LDHAL6A: variants seen among roughly 807,000 people sequenced by gnomAD.
The protein encoded by LDHAL6A is lactate dehydrogenase A like 6A.
In LDHAL6A, 19 loss-of-function variants were observed where a neutral mutation model predicts 28.2. The ratio of observed to expected loss-of-function variants is 0.67; its 90% CI spans 0.47 to 0.99. LDHAL6A has a LOEUF of 0.99. Among genes scored for constraint, LDHAL6A ranks in the 50% least tolerant of loss-of-function variants. LDHAL6A has a pLI of 0.00. For missense variants in LDHAL6A, 372 were observed against 398.6 expected (o/e 0.93, Z 0.57); for synonymous variants, 144 against 134.4 (o/e 1.07, Z -0.49).
At chr11:18,475,445 A>G (rs1849348939) in intron 3 of LDHAL6A, 21 bp from the exon 4 acceptor site, 3 of 1,586,316 alleles carry the variant, frequency 1.9e-6, no homozygotes, top group Non-Finnish European at 2.6e-6. Context: ...ACATTTCTTG[A>G]TATGAACTTT....
At position 18,477,695 on chromosome 11, in the gene LDHAL6A, T is replaced by A; in HGVS notation, c.786T>A (p.Ser262Arg). The A allele has an allele frequency of 6.2e-7, 1 of 1,613,394 alleles. No individual in the cohort carries two copies. The highest frequency in any genetic ancestry group is 8.5e-7 in the Non-Finnish European group (1 of 1,179,696). ...ISLSVADLTE[S>R]ILKNLRRVHP... The stretch of plus-strand genomic sequence containing the variant: ...TATCTGTAGCTGATTTAACAGAAAG[T>A]ATTTTGAAGAATCTTAGGAGAGTGC... The change falls in exon 6 of 7, where the codon AGT (serine) becomes AGA (arginine). Residue 262 changes from serine to arginine, a missense_variant. Around this residue, in one of 3 missense-constraint regions of LDHAL6A, gnomAD observed 291 missense variants for 302.9 expected, o/e 0.96. Transcript: ENST00000280706.
intron 3 of LDHAL6A, among the ~76,000 whole-genome samples, chr11:18,474,184 A>G (rs1849313134): frequency 6.6e-6 from 1 of 151,088 alleles, no homozygotes; most frequent in African/African-American, 2.4e-5. Flanking sequence ...GGTTCAAGCA[A>G]TTTTCTGCCT....
At chr11:18,460,143 G>T (rs536617821) in intron 1 of LDHAL6A, among the ~76,000 whole-genome samples, 1 of 152,168 alleles carries the variant, frequency 6.6e-6, no homozygotes, top group Non-Finnish European at 1.5e-5. Flanking sequence ...AGAGTAAAAA[G>T]ATCCAGGCTG....
At chr11:18,473,014 G>A (rs1849286319) in intron 3 of LDHAL6A, among the ~76,000 whole-genome samples, 1 of 151,872 alleles carries the variant, frequency 6.6e-6, no homozygotes, top group African/African-American at 2.4e-5. Context: ...CAATCACTTT[G>A]TAGAATGATT....
intron 3 of LDHAL6A, among the ~76,000 whole-genome samples, chr11:18,467,876 CACACATATATATATAT>C (rs1849113725): frequency 2.4e-4 from 8 of 33,536 alleles, no homozygotes; most frequent in Admixed American, 2.0e-3. Context: ...TATATATATA[CACACATATATATATAT>C]ATATATATAT....
chr11:18,467,467 A>C (rs1302927190), intron 3 of LDHAL6A, among the ~76,000 whole-genome samples: 2 of 152,174 alleles, frequency 1.3e-5, no homozygotes, highest in African/African-American at 4.8e-5. Flanking sequence ...ATATATCATG[A>C]AGCTCAACTC....
Position 18,478,985 on chromosome 11 carries a change from T to G in LDHAL6A, c.*115T>G. On this transcript the variant is annotated 3_prime_UTR_variant, in exon 7 of 7. Transcript: ENST00000280706. The stretch of plus-strand genomic sequence containing the variant: ...AAAGTTGGAAAAATAGAGGAAAGAG[T>G]GACCTATTTAGTATAGCCTTCCAGC... 1.1e-6 allele frequency: 1 copy of G among 892,628 alleles called. No homozygotes were observed. The highest frequency in any genetic ancestry group is 1.7e-6 in the Non-Finnish European group (1 of 585,888). The allele number at this position is 892,628 out of a possible 1,614,324, so 55.3% of individuals were successfully genotyped here.
intron 5 of LDHAL6A, among the ~76,000 whole-genome samples, chr11:18,477,317 C>T (rs892536041): frequency 5.9e-5 from 9 of 151,928 alleles, no homozygotes; most frequent in African/African-American, 1.2e-4. Context: ...AAATTAGCCA[C>T]GCATGGTGGC....
At chr11:18,467,425 G>T (rs964500102) in intron 3 of LDHAL6A, among the ~76,000 whole-genome samples, 2 of 151,958 alleles carry the variant, frequency 1.3e-5, no homozygotes, top group African/African-American at 4.8e-5. Flanking sequence ...TACTACATAC[G>T]TTTTTCTCCA....
Position 18,475,607 on chromosome 11 carries a change from G to C in LDHAL6A, c.560G>C (p.Gly187Ala), listed in dbSNP as rs1849356822. The C allele has an allele frequency of 6.2e-7, 1 of 1,614,080 alleles. No homozygotes were observed. The highest frequency in any genetic ancestry group is 1.1e-5 in the South Asian group (1 of 91,060). The stretch of plus-strand genomic sequence containing the variant: ...GGCATCCACTCTGAAAGCTGTCATG[G>C]GCTGATCCTTGGAGAGCATGGCGAC... ...RLGIHSESCH[G>A]LILGEHGDSS... Residue 187 changes from glycine to alanine, a missense_variant, in exon 4 of 7, where the codon GGG becomes GCG. Gly to Ala is a moderately conservative substitution (Grantham distance 60). This residue lies in a region of LDHAL6A where 291 missense variants were observed against 302.9 expected (regional missense o/e 0.96). Coordinates refer to ENST00000280706, the MANE Select transcript of LDHAL6A (RefSeq NM_144972.5).
At position 18,476,373 on chromosome 11, in the gene LDHAL6A, C is replaced by A. The variant is rs145658780; in HGVS notation, c.593-11C>A. The A allele has an allele frequency of 2.9e-4, 462 of 1,608,944 alleles. 2 individuals carry two copies. In the East Asian group the frequency reaches 7.6e-3, roughly 26 times the overall value. ...ATGTAAGAAGTGGGATTTTGGGTGT[C>A]TCTTTCTTAGTTCCTGTGTGGAGTG... On this transcript the variant is annotated splice_polypyrimidine_tract_variant and intron_variant, in intron 4 of 6. Coordinates refer to ENST00000280706, the MANE Select transcript of LDHAL6A (RefSeq NM_144972.5).
At chr11:18,460,659 C>G (rs1391530896) in intron 1 of LDHAL6A, among the ~76,000 whole-genome samples, 1 of 151,296 alleles carries the variant, frequency 6.6e-6, no homozygotes, top group African/African-American at 2.4e-5. Context: ...ACTTGGGAGG[C>G]TGAGGCAGGA....
intron 3 of LDHAL6A, among the ~76,000 whole-genome samples, chr11:18,467,945 A>ACATATATATACG: frequency 2.6e-5 from 1 of 38,534 alleles, no homozygotes; most frequent in African/African-American, 1.0e-4. Context: ...ATACACACAC[A>ACATATATATACG]TATATATATA....
chr11:18,474,759 G>A (rs1042663586), intron 3 of LDHAL6A, among the ~76,000 whole-genome samples: 2 of 152,132 alleles, frequency 1.3e-5, no homozygotes, highest in African/African-American at 4.8e-5. Context: ...AGCACTTTGA[G>A]AGGCTGGGGC....
intron 1 of LDHAL6A, among the ~76,000 whole-genome samples, chr11:18,460,979 A>G (rs977373075): frequency 6.6e-6 from 1 of 152,102 alleles, no homozygotes; most frequent in Admixed American, 6.6e-5. Flanking sequence ...CTGGGATTAC[A>G]GGCATGTGCC....
In LDHAL6A at chr11:18,477,635, C is replaced by A; in HGVS notation, c.726C>A (p.Val242=). ...KKVISSGYEM[V]KMKGYTSWGI... Reference sequence around the variant, plus strand: ...CTATCTACAGTGGCTATGAGATGGTCAAAATGAAAGGTTATACTTCTTGGG... The same window carrying A: ...CTATCTACAGTGGCTATGAGATGGTAAAAATGAAAGGTTATACTTCTTGGG... Residue 242 remains valine (V), a synonymous_variant, in exon 6 of 7, where the codon GTC becomes GTA. Transcript: ENST00000280706. 1 of 1,608,082 alleles carries A rather than the reference C, an allele frequency of 6.2e-7. No homozygotes were observed. Among genetic ancestry groups the A allele is most frequent in the South Asian group, 1.1e-5 (1 of 89,772 alleles).
chr11:18,456,001 T>C lies in LDHAL6A; in HGVS notation c.-680T>C, dbSNP rs2133855479. 6.6e-6 allele frequency: 1 copy of C among 152,662 alleles called. No homozygotes were observed. The highest frequency in any genetic ancestry group is 1.5e-5 in the Non-Finnish European group (1 of 68,304). The allele number at this position is 152,662 out of a possible 1,614,324, so 9.5% of individuals were successfully genotyped here. On this transcript the variant is annotated 5_prime_UTR_variant, in exon 1 of 7. Transcript: ENST00000280706. Reference sequence around the variant, plus strand: ...CAGTAAGGGGGCGACCCGGCGTCTGTTAGTCGGCGGTTCATCTCCTTCGTG... The same window carrying C: ...CAGTAAGGGGGCGACCCGGCGTCTGCTAGTCGGCGGTTCATCTCCTTCGTG...
chr11:18,477,577 C>A, intron 5 of LDHAL6A, 43 bp from the exon 6 acceptor site: 2 of 1,545,364 alleles, frequency 1.3e-6, no homozygotes, highest in Non-Finnish European at 1.7e-6. Context: ...AGTTCAATGA[C>A]AAGTGCATCT....
At chr11:18,462,526 A>G (rs985330606) in intron 1 of LDHAL6A, among the ~76,000 whole-genome samples, 1 of 151,612 alleles carries the variant, frequency 6.6e-6, no homozygotes, top group Non-Finnish European at 1.5e-5. Flanking sequence ...AGTCCCAGCT[A>G]CTCGGGAGGC....
Sources: allele counts gnomAD v4.1 joint callset (sites outside exome capture counted in the v4.1 genomes callset), GRCh38; gene constraint gnomAD v4.1.1; regional missense constraint gnomAD v4.1.1; transcripts MANE v1.5; gene names NCBI Gene and HGNC (gene_info 2026-07-23, HGNC 2026-07-21).